The following SP3 variants were observed in gnomAD, a reference collection of about 807,000 sequenced individuals.
The protein encoded by SP3 is Sp3 transcription factor.
SP3 carries 10 observed loss-of-function variants against 70.3 expected under a neutral mutation model. That is an observed-to-expected ratio of 0.14 (90% CI 0.09 to 0.24). SP3 has a LOEUF of 0.24. SP3 is among the 10% of genes least tolerant of loss of function. SP3 has a pLI of 1.00. For synonymous variants in SP3, 402 were observed against 333.5 expected (o/e 1.21, Z -2.24); for missense variants, 825 against 914.6 (o/e 0.90, Z 1.26).
intron 4 of SP3, among the ~76,000 whole-genome samples, chr2:173,927,008 G>T (rs1033829594): frequency 6.6e-6 from 1 of 152,094 alleles, no homozygotes; most frequent in Non-Finnish European, 1.5e-5. Flanking sequence ...GAGGCCTCAG[G>T]AAACTTACAA....
In SP3 at chr2:173,909,624, C is replaced by A. The variant is rs1689421453; in HGVS notation, c.*317G>T. ...AAATACCAACATGTTCTCATTTTTA[C>A]ACTAAACCACACAGGATTGATGCAT... On this transcript the variant is annotated 3_prime_UTR_variant, in exon 7 of 7. Transcript: ENST00000310015. 1 of 174,266 alleles carries A rather than the reference C, an allele frequency of 5.7e-6. No homozygotes were observed. 10.8% of individuals were successfully genotyped at this position (174,266 alleles called of 1,614,324 possible).
At chr2:173,919,052 A>G (rs183114525) in intron 4 of SP3, among the ~76,000 whole-genome samples, 124 of 152,266 alleles carry the variant, frequency 8.1e-4, no homozygotes, top group Admixed American at 1.8e-3. Flanking sequence ...TGCTTCACTC[A>G]AAGTTCTCGG....
chr2:173,949,963 T>C (rs1316039478), intron 4 of SP3, among the ~76,000 whole-genome samples: 2 of 152,164 alleles, frequency 1.3e-5, no homozygotes, highest in Non-Finnish European at 2.9e-5. Context: ...AATTTTGACA[T>C]TGGAAAGATA....
Position 173,903,016 on chromosome 2 carries a change from T to G in SP3, c.*6925A>C, listed in dbSNP as rs1252821553. On this transcript the variant is annotated 3_prime_UTR_variant, in exon 7 of 7. Transcript: ENST00000310015. ...TGTTTTCTGCATTTTTCTGTATTCT[T>G]GAAATGTTTCATAATAAAAAAGGCA... 6.6e-6 allele frequency among the ~76,000 whole-genome samples: 1 copy of G among 152,258 alleles called. No homozygotes were observed.
intron 3 of SP3, among the ~76,000 whole-genome samples, chr2:173,959,749 G>GTC (rs1454064419): frequency 6.6e-6 from 1 of 152,112 alleles, no homozygotes; most frequent in Non-Finnish European, 1.5e-5. Flanking sequence ...GCGAGACTCA[G>GTC]TCTCAAAAAA....
At position 173,952,203 on chromosome 2, in the gene SP3, G is replaced by C. The variant is rs188788388; in HGVS notation, c.1639+2670C>G. ...GTAAAAACAGTATTTGATGAAAATA[G>C]CATCTAGTTCAGCTTGCAACTCACA... On this transcript the variant is annotated intron_variant, in intron 4 of 6. Transcript: ENST00000310015. Among the ~76,000 whole-genome samples the C allele has an allele frequency of 1.9e-3, 294 of 151,026 alleles. 1 individual carries two copies. Among genetic ancestry groups the C allele is most frequent in the Middle Eastern group, 6.9e-3 (2 of 290 alleles).
chr2:173,912,306 T>C (rs1278831934), intron 6 of SP3, among the ~76,000 whole-genome samples: 2 of 152,236 alleles, frequency 1.3e-5, no homozygotes, highest in Non-Finnish European at 2.9e-5. Flanking sequence ...AGATAGTTTA[T>C]TCGCTTAACC....
rs567840557 is a variant in SP3, at chr2:173,945,441, C to T, written c.1639+9432G>A. Among the ~76,000 whole-genome samples, 3 of 151,790 alleles carry T rather than the reference C, an allele frequency of 2.0e-5. No individual in the cohort carries two copies. The East Asian group carries it at 5.8e-4, about 29-fold the overall frequency. ...AACTCAACATGACTAAACCTGAAGG[C>T]AAAAAAATGATGACATTATTTGTAG... On this transcript the variant is annotated intron_variant, in intron 4 of 6. Transcript: ENST00000310015.
In SP3 at chr2:173,965,369, G is replaced by A. The variant is rs2105512357; in HGVS notation, c.-198C>T. The A allele has an allele frequency of 1.7e-6, 1 of 604,482 alleles. No homozygotes were observed. The highest frequency in any genetic ancestry group is 2.1e-5 in the South Asian group (1 of 47,558). The allele number at this position is 604,482 out of a possible 1,614,324, so 37.4% of individuals were successfully genotyped here. The stretch of plus-strand genomic sequence containing the variant: ...CTCCAGCCCAAAAGGGGGGAAGAGG[G>A]TGACAGCCCGCCCGGAACTCCCGCC... On this transcript the variant is annotated 5_prime_UTR_variant, in exon 1 of 7. Transcript: ENST00000310015.
chr2:173,953,950 T>C (rs977453264), intron 4 of SP3, among the ~76,000 whole-genome samples: 5 of 152,146 alleles, frequency 3.3e-5, no homozygotes, highest in Non-Finnish European at 7.4e-5. Flanking sequence ...TATCACAAAT[T>C]TATCAAAAGA....
At chr2:173,925,034 T>A (rs891545422) in intron 4 of SP3, among the ~76,000 whole-genome samples, 1 of 152,112 alleles carries the variant, frequency 6.6e-6, no homozygotes, top group South Asian at 2.1e-4. Flanking sequence ...ATTACAGGCA[T>A]GCAACACCAC....
At chr2:173,952,508 T>C (rs1405975874) in intron 4 of SP3, among the ~76,000 whole-genome samples, 2 of 152,150 alleles carry the variant, frequency 1.3e-5, no homozygotes, top group Admixed American at 6.5e-5. Flanking sequence ...TATGGTCTCT[T>C]TGGAAAACCG....
chr2:173,910,281 C>T (rs1017579900), intron 6 of SP3, 24 bp from the exon 7 acceptor site: 4 of 1,606,730 alleles, frequency 2.5e-6, no homozygotes, highest in Admixed American at 1.7e-5. Context: ...AATTAAGTTA[C>T]TTGGTTTTAA....
chr2:173,938,459 C>CAAAAAAAAAAAAAAA (rs747595137), intron 4 of SP3, among the ~76,000 whole-genome samples: 3 of 46,380 alleles, frequency 6.5e-5, no homozygotes, highest in Admixed American at 2.9e-4. Flanking sequence ...AACTTTGCCT[C>CAAAAAAAAAAAAAAA]AAAAAAAAAA....
intron 4 of SP3, among the ~76,000 whole-genome samples, chr2:173,952,538 T>C (rs1474514959): frequency 6.6e-6 from 1 of 152,162 alleles, no homozygotes; most frequent in East Asian, 1.9e-4. Context: ...AATTGCCATA[T>C]AACCCAGCAA....
intron 4 of SP3, among the ~76,000 whole-genome samples, chr2:173,953,767 CA>C (rs201223476): frequency 9.3e-6 from 1 of 107,874 alleles, no homozygotes; most frequent in African/African-American, 4.8e-5. Context: ...GACTCCATCT[CA>C]AAAAACAAAA....
chr2:173,955,676 A>G lies in SP3; in HGVS notation c.836T>C (p.Leu279Pro). ...AGTCATTGTCTGAGAACTGCCCGAG[A>G]GTCCCAAAGAATCTAGATCGACACT... is the stretch of plus-strand genomic sequence containing the variant. ...INSVDLDSLG[L>P]SGSSQTMTAG... Residue 279 changes from leucine (L) to proline (P), a missense_variant, in exon 4 of 7, where the codon CTC (leucine) becomes CCC (proline). Transcript: ENST00000310015. 1 of 1,614,218 alleles carries G rather than the reference A, an allele frequency of 6.2e-7. No individual in the cohort carries two copies. Among genetic ancestry groups the G allele is most frequent in the Non-Finnish European group, 8.5e-7 (1 of 1,180,036 alleles).
chr2:173,956,552 A>G (rs891729579), intron 3 of SP3, among the ~76,000 whole-genome samples: 5 of 152,226 alleles, frequency 3.3e-5, no homozygotes. Flanking sequence ...AACAGTGGAG[A>G]TGGCTATGAC....
At position 173,902,209 on chromosome 2, in the gene SP3, G is replaced by A. The variant is rs375684003; in HGVS notation, c.*7732C>T. 4.0e-4 allele frequency among the ~76,000 whole-genome samples: 61 copies of A among 152,222 alleles called. No homozygotes were observed. The South Asian group carries it at 0.011, about 26-fold the overall frequency. On this transcript the variant is annotated 3_prime_UTR_variant, in exon 7 of 7. Transcript: ENST00000310015. ...ATATATCCATTGCTTAGTTTTTCAG[G>A]TCCCTTTTAAATTTCTTACTTATAC...
Sources: gnomAD v4.1 joint callset for allele counts (sites outside exome capture counted in the v4.1 genomes callset) on GRCh38, gnomAD v4.1.1 for gene constraint, MANE v1.5 for transcripts, NCBI Gene and HGNC (gene_info 2026-07-23, HGNC 2026-07-21) for gene names.